SLCO2A1: variants seen among roughly 807,000 people sequenced by gnomAD.
SLCO2A1 encodes the protein solute carrier organic anion transporter family member 2A1, also known as matrin F/G 1.
A neutral mutation model predicts 71.7 loss-of-function variants in SLCO2A1; 60 were observed. The ratio of observed to expected loss-of-function variants is 0.84; its 90% CI spans 0.68 to 1.04. The LOEUF is 1.04. SLCO2A1 is among the 50% of genes least tolerant of loss of function. The probability of loss-of-function intolerance (pLI) is 0.00; values close to 1 mark genes in which losing one functional copy is unlikely to be tolerated. For synonymous variants in SLCO2A1, 308 were observed against 326.7 expected, an observed-to-expected ratio of 0.94 and a Z score of 0.62; for missense variants, 745 against 813.4, an observed-to-expected ratio of 0.92 and a Z score of 1.02.
At chr3:133,992,597 C>G (rs888785329) in intron 1 of SLCO2A1, among the ~76,000 whole-genome samples, 17 of 152,170 alleles carry the variant, frequency 1.1e-4, no homozygotes, top group Admixed American at 1.1e-3. Flanking sequence ...ACCCATGGCC[C>G]GCCCTGCACC....
intron 9 of SLCO2A1, among the ~76,000 whole-genome samples, chr3:133,945,854 G>GTATAATTTCAC (rs1933560323): frequency 6.6e-6 from 1 of 152,174 alleles, no homozygotes; most frequent in Middle Eastern, 3.2e-3. Flanking sequence ...TATTTCACTA[G>GTATAATTTCAC]TATAATTATA....
At chr3:133,959,902 C>T (rs1933993888) in intron 3 of SLCO2A1, among the ~76,000 whole-genome samples, 1 of 151,888 alleles carries the variant, frequency 6.6e-6, no homozygotes, top group African/African-American at 2.4e-5. Flanking sequence ...GGGCAGATCA[C>T]AAGGTCAGGA....
intron 1 of SLCO2A1, among the ~76,000 whole-genome samples, chr3:133,992,598 G>A (rs1032963178): frequency 4.3e-4 from 66 of 152,184 alleles, no homozygotes; most frequent in African/African-American, 1.4e-3. Context: ...CCCATGGCCC[G>A]CCCTGCACCC....
In SLCO2A1 at chr3:133,933,569, C is replaced by T. The variant is rs1933194335; in HGVS notation, c.*1144G>A. ...TGTCTCTCAACCCAGGCACCCACCT[C>T]TCTGGAGGCAGTGAGAAGAGGCTGA... On this transcript the variant is annotated 3_prime_UTR_variant, in exon 14 of 14. Transcript: ENST00000310926. The T allele has an allele frequency of 6.6e-6, 1 of 152,116 alleles. No individual in the cohort carries two copies. Among genetic ancestry groups the T allele is most frequent in the Non-Finnish European group, 1.5e-5 (1 of 68,058 alleles). 9.4% of individuals were successfully genotyped at this position (152,116 alleles called of 1,614,324 possible).
intron 9 of SLCO2A1, among the ~76,000 whole-genome samples, chr3:133,945,521 G>A (rs1383983370): frequency 6.6e-6 from 1 of 152,188 alleles, no homozygotes; most frequent in East Asian, 1.9e-4. Context: ...AGGCCTGGCT[G>A]GTGAATCCCT....
At chr3:133,937,468 A>C (rs1933295897) in intron 12 of SLCO2A1, among the ~76,000 whole-genome samples, 1 of 152,178 alleles carries the variant, frequency 6.6e-6, no homozygotes, top group Admixed American at 6.5e-5. Flanking sequence ...TGGGCTCAGC[A>C]AGGGCTCCCG....
chr3:134,024,132 T>C (rs989467164), intron 1 of SLCO2A1, among the ~76,000 whole-genome samples: 1 of 152,244 alleles, frequency 6.6e-6, no homozygotes, highest in Admixed American at 6.5e-5. Flanking sequence ...GGTGGTATTG[T>C]GGTGGACCTT....
At chr3:133,991,808 T>C (rs1014505331) in intron 1 of SLCO2A1, among the ~76,000 whole-genome samples, 1 of 152,200 alleles carries the variant, frequency 6.6e-6, no homozygotes, top group African/African-American at 2.4e-5. Flanking sequence ...CTTTCTTCTC[T>C]CCAGATTCCC....
chr3:133,980,791 A>G (rs916224380), intron 1 of SLCO2A1, among the ~76,000 whole-genome samples: 2 of 152,206 alleles, frequency 1.3e-5, no homozygotes, highest in Admixed American at 6.5e-5. Context: ...GATGTCAGAC[A>G]GAGCCCAGAA....
chr3:134,027,612 G>A (rs1024448413), intron 1 of SLCO2A1, among the ~76,000 whole-genome samples: 25 of 152,182 alleles, frequency 1.6e-4, no homozygotes, highest in African/African-American at 5.8e-4. Context: ...CTCAGTGTCT[G>A]AGGAGTTTTG....
At chr3:134,020,118 A>G (rs1282578567) in intron 1 of SLCO2A1, among the ~76,000 whole-genome samples, 1 of 152,100 alleles carries the variant, frequency 6.6e-6, no homozygotes, top group Non-Finnish European at 1.5e-5. Context: ...TTACCGGTGC[A>G]TGCAGCCCCC....
intron 5 of SLCO2A1, among the ~76,000 whole-genome samples, chr3:133,953,326 C>G (rs367663278): frequency 6.6e-6 from 1 of 152,244 alleles, no homozygotes. Flanking sequence ...CTTGAGCCAC[C>G]GCACCCAGCC....
intron 9 of SLCO2A1, 88 bp from the exon 10 acceptor site, chr3:133,945,348 G>T: frequency 7.7e-7 from 1 of 1,294,190 alleles, no homozygotes; most frequent in Non-Finnish European, 1.1e-6. Context: ...TCCTGGCCTG[G>T]TGAGTGTGTC....
At chr3:133,988,734 C>T (rs2108063336) in intron 1 of SLCO2A1, among the ~76,000 whole-genome samples, 1 of 152,272 alleles carries the variant, frequency 6.6e-6, no homozygotes, top group South Asian at 2.1e-4. Flanking sequence ...GGCTTTAGTC[C>T]CTCCCAACCT....
At chr3:134,010,139 G>A (rs1009741689) in intron 1 of SLCO2A1, among the ~76,000 whole-genome samples, 2 of 152,194 alleles carry the variant, frequency 1.3e-5, no homozygotes, top group Non-Finnish European at 2.9e-5. Context: ...TACCACATGT[G>A]TGTCCTAATG....
In SLCO2A1 at chr3:134,029,747, C is replaced by G. The variant is rs778044629; in HGVS notation, c.56G>C (p.Arg19Pro). The change falls in exon 1 of 14, where the codon CGA (arginine) becomes CCA (proline). Residue 19 changes from arginine (R) to proline (P), a missense_variant. Transcript: ENST00000310926. ...ASQGSDTSTS[R>P]AGRCARSVFG... Reference sequence around the variant, plus strand: ...GACCGAGCGGGCACAGCGGCCGGCTCGGCTAGTAGAGGTGTCGCTGCCCTG... The same window carrying G: ...GACCGAGCGGGCACAGCGGCCGGCTGGGCTAGTAGAGGTGTCGCTGCCCTG... 5.0e-6 allele frequency: 8 copies of G among 1,586,488 alleles called. No homozygotes were observed. The East Asian group carries it at 1.7e-4, about 33-fold the overall frequency.
intron 1 of SLCO2A1, among the ~76,000 whole-genome samples, chr3:133,982,914 A>G (rs1020061318): frequency 2.6e-5 from 4 of 152,160 alleles, no homozygotes; most frequent in African/African-American, 9.7e-5. Flanking sequence ...TTAGCCAAAC[A>G]GCTGTGTTGG....
intron 13 of SLCO2A1, 95 bp downstream of exon 13, chr3:133,935,679 C>T: frequency 1.5e-6 from 2 of 1,371,176 alleles, no homozygotes; most frequent in Admixed American, 2.4e-5. Flanking sequence ...TCCTTGGAAG[C>T]CTGACAGCCC....
Position 133,933,285 on chromosome 3 carries a change from T to A in SLCO2A1, c.*1428A>T. On this transcript the variant is annotated 3_prime_UTR_variant, in exon 14 of 14. Coordinates refer to ENST00000310926, the MANE Select transcript of SLCO2A1 (RefSeq NM_005630.3). Reference sequence around the variant, plus strand: ...GTCAGGTCAGGATCCTTCATGCCAATCTGTGGCTTCTTGCTGTCCCCACCT... The same window carrying A: ...GTCAGGTCAGGATCCTTCATGCCAAACTGTGGCTTCTTGCTGTCCCCACCT... 1 of 152,170 alleles carries A rather than the reference T, an allele frequency of 6.6e-6. No individual in the cohort carries two copies. Among genetic ancestry groups the A allele is most frequent in the Admixed American group, 6.5e-5 (1 of 15,272 alleles). 9.4% of individuals were successfully genotyped at this position (152,170 alleles called of 1,614,324 possible).
Sources: allele counts gnomAD v4.1 joint callset (sites outside exome capture counted in the v4.1 genomes callset), GRCh38; gene constraint gnomAD v4.1.1; transcripts MANE v1.5; gene names NCBI Gene and HGNC (gene_info 2026-07-23, HGNC 2026-07-21).